The following IDE variants were observed in gnomAD, a reference collection of about 807,000 sequenced individuals.
IDE encodes insulin-degrading enzyme.
A neutral mutation model predicts 133.2 loss-of-function variants in IDE; 58 were observed. That is an observed-to-expected ratio of 0.44 (90% CI 0.35 to 0.54). The LOEUF is 0.54. Ranked by LOEUF, IDE falls within the 20% of genes least tolerant of loss-of-function variation. The pLI, the probability that IDE is intolerant of heterozygous loss-of-function variation, is 0.00. For missense variants in IDE, 981 were observed against 1,234.0 expected (o/e 0.79, Z 3.07); for synonymous variants, 396 against 421.3 (o/e 0.94, Z 0.73).
At chr10:92,492,311 G>A (rs1266824118) in intron 11 of IDE, among the ~76,000 whole-genome samples, 1 of 151,940 alleles carries the variant, frequency 6.6e-6, no homozygotes, top group Non-Finnish European at 1.5e-5. Flanking sequence ...CAGAAGTAAA[G>A]TGATGTCAAA....
rs147646114 is a variant in IDE, at chr10:92,534,781, T to C, written c.288A>G (p.Ser96=). 1.8e-5 allele frequency: 29 copies of C among 1,611,980 alleles called. No individual in the cohort carries two copies. The African/African-American group carries it at 2.9e-4, about 16-fold the overall frequency. ...SSAALDVHIG[S]LSDPPNIAGL... is the part of the protein sequence containing the mutation. ...CAGCAATATTTGGAGGATCCGACAATGAACCTGAAAGAGAAAACACGTATA... is the reference window on the plus strand; with the variant it reads ...CAGCAATATTTGGAGGATCCGACAACGAACCTGAAAGAGAAAACACGTATA... The change falls in exon 3 of 25, where the codon TCA becomes TCG. Residue 96 remains serine (S), a synonymous_variant. Transcript: ENST00000265986.
chr10:92,470,101 G>A (rs1373801087), intron 18 of IDE, among the ~76,000 whole-genome samples, 153 bp downstream of exon 18: 3 of 152,132 alleles, frequency 2.0e-5, no homozygotes, highest in Non-Finnish European at 4.4e-5. Flanking sequence ...TACTTTCCCT[G>A]TGCCCTCTAC....
intron 11 of IDE, among the ~76,000 whole-genome samples, chr10:92,495,769 T>C (rs1413783107): frequency 6.6e-6 from 1 of 151,140 alleles, no homozygotes; most frequent in African/African-American, 2.4e-5. Context: ...GACAGAAAGT[T>C]GAAAAAAAAA....
chr10:92,571,978 G>C (rs1190250650), intron 1 of IDE, among the ~76,000 whole-genome samples: 1 of 152,142 alleles, frequency 6.6e-6, no homozygotes, highest in Non-Finnish European at 1.5e-5. Context: ...GGTTGGACCT[G>C]TATTTTCCTC....
intron 5 of IDE, among the ~76,000 whole-genome samples, chr10:92,513,013 T>C (rs779559914): frequency 3.9e-5 from 6 of 152,210 alleles, no homozygotes; most frequent in Non-Finnish European, 5.9e-5. Flanking sequence ...CTAAGTAAGT[T>C]TGTTAGCTCA....
At chr10:92,502,411 CTAT>C (rs1564628600) in intron 11 of IDE, among the ~76,000 whole-genome samples, 1 of 151,990 alleles carries the variant, frequency 6.6e-6, no homozygotes, top group African/African-American at 2.4e-5. Context: ...GCTTTTGTTG[CTAT>C]TATAAATACT....
At position 92,453,082 on chromosome 10, in the gene IDE, C is replaced by T. The variant is rs1844828543; in HGVS notation, c.*1362G>A. The T allele has an allele frequency of 2.0e-5, 3 of 152,158 alleles. No individual in the cohort carries two copies. In the South Asian group the frequency reaches 6.2e-4, roughly 32 times the overall value. The allele number at this position is 152,158 out of a possible 1,614,324, so 9.4% of individuals were successfully genotyped here. A position where few individuals can be genotyped will look rare whatever the true frequency, so the allele number is the denominator to read the frequency against. ...AGAAGAAAGTCCTAGCCAATCAAAT[C>T]ATATGGGGAGGTAAAATGTCCTTCA... is the stretch of plus-strand genomic sequence containing the variant. On this transcript the variant is annotated 3_prime_UTR_variant, in exon 25 of 25. Transcript: ENST00000265986.
intron 1 of IDE, among the ~76,000 whole-genome samples, chr10:92,544,354 T>C (rs1197235662): frequency 6.6e-6 from 1 of 152,076 alleles, no homozygotes; most frequent in African/African-American, 2.4e-5. Context: ...TCTCCTTAAG[T>C]GGTGGGTCGT....
chr10:92,505,600 A>G (rs1267566520), intron 10 of IDE, among the ~76,000 whole-genome samples: 1 of 152,198 alleles, frequency 6.6e-6, no homozygotes, highest in East Asian at 1.9e-4. Flanking sequence ...ACAACAAACA[A>G]ATATTGTAAT....
chr10:92,452,949 C>T lies in IDE; in HGVS notation c.*1495G>A, dbSNP rs531695471. The T allele has an allele frequency of 3.9e-5, 6 of 152,174 alleles. No homozygotes were observed. The highest frequency in any genetic ancestry group is 2.9e-5 in the Non-Finnish European group (2 of 68,042). The allele number at this position is 152,174 out of a possible 1,614,324, so 9.4% of individuals were successfully genotyped here. A position where few individuals can be genotyped will look rare whatever the true frequency, so the allele number is the denominator to read the frequency against. On this transcript the variant is annotated 3_prime_UTR_variant, in exon 25 of 25. Coordinates refer to ENST00000265986, the MANE Select transcript of IDE (RefSeq NM_004969.4). Reference sequence around the variant, plus strand: ...TGATCTGACAGTAGAAATGGAGCCCCGCTTTTGAAAGCAGCCCCATAGTTG... The same window carrying T: ...TGATCTGACAGTAGAAATGGAGCCCTGCTTTTGAAAGCAGCCCCATAGTTG...
Position 92,476,025 on chromosome 10 carries a change from T to G in IDE, c.1885-31A>C. On this transcript the variant is annotated intron_variant, in intron 15 of 24. Transcript: ENST00000265986. Reference sequence around the variant, plus strand: ...GAAAGAATTCAGGGTATTAAAAGTCTAAAAATATCACAAAACAACTTCCAA... The same window carrying G: ...GAAAGAATTCAGGGTATTAAAAGTCGAAAAATATCACAAAACAACTTCCAA... 3 of 897,510 alleles carry G rather than the reference T, an allele frequency of 3.3e-6. No individual in the cohort carries two copies. The South Asian group carries it at 4.7e-5, about 14-fold the overall frequency. 55.6% of individuals were successfully genotyped at this position (897,510 alleles called of 1,614,324 possible). A position where few individuals can be genotyped will look rare whatever the true frequency, so the allele number is the denominator to read the frequency against.
At position 92,487,197 on chromosome 10, in the gene IDE, T is replaced by G. The variant is rs771689240; in HGVS notation, c.1655A>C (p.Lys552Thr). ...AAATCACTGATTCAAACACATTACC[T>G]TAATAAGAGCAGGGTATGGTGTCGC... is the stretch of plus-strand genomic sequence containing the variant. The part of the protein sequence containing the change: ...KEATPYPALI[K>T]DTAMSKLWFK... The change falls in exon 13 of 25, where the codon AAG (lysine) becomes ACG (threonine). Residue 552 changes from lysine to threonine, a missense_variant and splice_region_variant. Lys to Thr is a moderately conservative substitution (Grantham distance 78). Coordinates refer to ENST00000265986, the MANE Select transcript of IDE (RefSeq NM_004969.4). 7.5e-6 allele frequency: 12 copies of G among 1,610,590 alleles called. No individual in the cohort carries two copies. The South Asian group carries it at 1.3e-4, about 18-fold the overall frequency.
At chr10:92,565,520 TATC>T (rs1038583878) in intron 1 of IDE, among the ~76,000 whole-genome samples, 3 of 152,266 alleles carry the variant, frequency 2.0e-5, no homozygotes, top group Admixed American at 2.0e-4. Flanking sequence ...TCACTTCCGA[TATC>T]ATCTTCCACC....
At chr10:92,570,279 G>A (rs1843725521) in intron 1 of IDE, among the ~76,000 whole-genome samples, 1 of 152,188 alleles carries the variant, frequency 6.6e-6, no homozygotes. Context: ...AAAAGTGGAG[G>A]TGTCTAGTAA....
At chr10:92,506,026 T>C (rs577816835) in intron 10 of IDE, among the ~76,000 whole-genome samples, 13 of 152,040 alleles carry the variant, frequency 8.6e-5, no homozygotes, top group Admixed American at 7.2e-4. Flanking sequence ...CCTGGAAAAA[T>C]AAACTACAAT....
intron 4 of IDE, among the ~76,000 whole-genome samples, 166 bp from the exon 5 acceptor site, chr10:92,515,208 G>T (rs1390424000): frequency 2.0e-5 from 3 of 151,514 alleles, no homozygotes; most frequent in African/African-American, 7.3e-5. Flanking sequence ...GGATAATAGA[G>T]TACAAACCAG....
At chr10:92,500,441 G>C (rs1386310780) in intron 11 of IDE, among the ~76,000 whole-genome samples, 1 of 152,184 alleles carries the variant, frequency 6.6e-6, no homozygotes, top group East Asian at 1.9e-4. Context: ...AGACATTATA[G>C]TAAGTGAAAT....
At chr10:92,464,114 G>C in intron 20 of IDE, 111 bp from the exon 21 acceptor site, 2 of 1,092,522 alleles carry the variant, frequency 1.8e-6, no homozygotes, top group Non-Finnish European at 1.3e-6. Flanking sequence ...TAAGGTTTTA[G>C]AGTATTCACC....
At chr10:92,472,433 A>G (rs56168928) in intron 17 of IDE, among the ~76,000 whole-genome samples, 1,638 of 152,318 alleles carry the variant, frequency 0.011, 28 homozygotes, top group South Asian at 0.05. Flanking sequence ...TTTTGCAAAG[A>G]AAAGCATATT....
Sources: allele counts gnomAD v4.1 joint callset (sites outside exome capture counted in the v4.1 genomes callset), GRCh38; gene constraint gnomAD v4.1.1; transcripts MANE v1.5; gene names NCBI Gene and HGNC (gene_info 2026-07-23, HGNC 2026-07-21).